The following ANKRD17 variants were observed in gnomAD, a reference collection of about 807,000 sequenced individuals.
ANKRD17 encodes the protein ankyrin repeat domain 17.
Under a neutral mutation model 229.7 loss-of-function variants are expected in ANKRD17, and 19 were observed. That is an observed-to-expected ratio of 0.08 (90% confidence interval 0.06 to 0.12). The LOEUF (loss-of-function observed/expected upper bound fraction) is 0.12. Ranked by LOEUF, ANKRD17 falls within the 10% of genes least tolerant of loss-of-function variation. The pLI, the probability that ANKRD17 is intolerant of heterozygous loss-of-function variation, is 1.00. For missense variants in ANKRD17, 2,176 were observed against 3,176.8 expected, an observed-to-expected ratio of 0.68 and a Z score of 7.57; for synonymous variants, 1,112 against 1,146.1, an observed-to-expected ratio of 0.97 and a Z score of 0.60.
rs187042713 is a variant in ANKRD17 at position 73,085,468 on chromosome 4, T to G, written c.6962-22A>C. Reference sequence around the variant, plus strand: ...ATACCTATAATGTAGAAGGTCATCATAATTTATAATAGTTACTCCTGCAAG... The same window carrying G: ...ATACCTATAATGTAGAAGGTCATCAGAATTTATAATAGTTACTCCTGCAAG... On this transcript the variant is annotated intron_variant, in intron 29 of 33. Transcript: ENST00000358602. 109 of 1,584,498 alleles carry G rather than the reference T, an allele frequency of 6.9e-5. No homozygotes were observed. In the East Asian group the frequency reaches 2.4e-3, roughly 35 times the overall value.
At chr4:73,118,880 C>CTTTTT (rs751549226) in intron 21 of ANKRD17, 30 bp from the exon 22 acceptor site, 116 of 804,544 alleles carry the variant, frequency 1.4e-4, no homozygotes, top group South Asian at 4.8e-4. Flanking sequence ...ATAGCATTGT[C>CTTTTT]TTTTTTTTTT....
Position 73,097,277 on chromosome 4 carries a change from A to G in ANKRD17, c.5022-5T>C. The G allele has an allele frequency of 1.3e-6, 2 of 1,568,890 alleles. No homozygotes were observed. ...TCACTGATAGTTTCTGACAATCTTT[A>G]ACAAAGAGAGGGAAAGTACATTAAA... is the stretch of plus-strand genomic sequence containing the variant. On this transcript the variant is annotated splice_polypyrimidine_tract_variant and splice_region_variant and intron_variant, in intron 26 of 33. Transcript: ENST00000358602.
chr4:73,101,268 C>G, intron 25 of ANKRD17: 1 of 946,414 alleles, frequency 1.1e-6, no homozygotes, highest in Non-Finnish European at 1.3e-6. Context: ...TTGAAGAAAT[C>G]GATGATCTGG....
At chr4:73,113,461 C>A in intron 24 of ANKRD17, 1 of 1,114,196 alleles carries the variant, frequency 9.0e-7, no homozygotes, top group South Asian at 1.5e-5. Flanking sequence ...AGGTCTAAAA[C>A]AATAAATTAT....
intron 11 of ANKRD17, among the ~76,000 whole-genome samples, chr4:73,144,149 T>C (rs1729944621): frequency 6.6e-6 from 1 of 152,204 alleles, no homozygotes; most frequent in South Asian, 2.1e-4. Context: ...ACTTTCCTAG[T>C]AAGCACGTTA....
chr4:73,169,428 T>C (rs539222901), intron 2 of ANKRD17, among the ~76,000 whole-genome samples: 1 of 151,714 alleles, frequency 6.6e-6, no homozygotes, highest in East Asian at 2.0e-4. Context: ...CCAGATGGCA[T>C]CTCTAGACCA....
At chr4:73,247,976 A>G (rs1211566729) in intron 1 of ANKRD17, among the ~76,000 whole-genome samples, 1 of 152,040 alleles carries the variant, frequency 6.6e-6, no homozygotes, top group Non-Finnish European at 1.5e-5. Context: ...TTCTACAAAT[A>G]GGTATAAATT....
chr4:73,196,951 T>C (rs1055043060), intron 1 of ANKRD17, among the ~76,000 whole-genome samples: 1 of 152,010 alleles, frequency 6.6e-6, no homozygotes, highest in Non-Finnish European at 1.5e-5. Context: ...TATATACACA[T>C]GTATGTGTAT....
At position 73,113,873 on chromosome 4, in the gene ANKRD17, T is replaced by C; in HGVS notation, c.4320A>G (p.Ser1440=). 2 of 1,613,612 alleles carry C rather than the reference T, an allele frequency of 1.2e-6. No individual in the cohort carries two copies. The highest frequency in any genetic ancestry group is 1.3e-5 in the African/African-American group (1 of 75,036). Residue 1440 remains serine (S), a synonymous_variant, in exon 24 of 34, where the codon TCA becomes TCG. Transcript: ENST00000358602. ...CCTGTCTATCTTTGGCTTGTACTAT[T>C]GACTCCATACAAAGATGACACTTCT... ...MLKKCHLCME[S]IVQAKDRQAA...
intron 33 of ANKRD17, 31 bp downstream of exon 33, chr4:73,076,909 A>G: frequency 2.5e-6 from 4 of 1,581,902 alleles, no homozygotes; most frequent in East Asian, 2.3e-5. Context: ...AACACAAAAC[A>G]ACTGTTTATT....
chr4:73,258,417 G>A lies in ANKRD17; in HGVS notation c.252C>T (p.Ser84=), dbSNP rs1407163287. The A allele has an allele frequency of 1.2e-6, 2 of 1,610,930 alleles. No homozygotes were observed. Among genetic ancestry groups the A allele is most frequent in the South Asian group, 1.1e-5 (1 of 90,990 alleles). The change falls in exon 1 of 34, where the codon AGC becomes AGT. Residue 84 remains serine, a synonymous_variant. Coordinates refer to ENST00000358602, the MANE Select transcript of ANKRD17 (RefSeq NM_032217.5). ...CGCTGTCGCTGCTGCTTTCGCTGCT[G>A]CTGGGGGGTCGGCAAGTCCGGTTAC... ...AKRNRTCRPP[S]SSESSSDSDN...
intron 1 of ANKRD17, among the ~76,000 whole-genome samples, chr4:73,240,189 T>C (rs1425013141): frequency 6.6e-6 from 1 of 152,046 alleles, no homozygotes; most frequent in Non-Finnish European, 1.5e-5. Flanking sequence ...AAGAACACTA[T>C]ATAGATGCTG....
In ANKRD17 at chr4:73,146,884, C is replaced by T; in HGVS notation, c.1760-11G>A. On this transcript the variant is annotated splice_polypyrimidine_tract_variant and intron_variant, in intron 9 of 33. Coordinates refer to ENST00000358602, the MANE Select transcript of ANKRD17 (RefSeq NM_032217.5). ...CATGAACGTTAGCTCCTGTAGTAGTCAACAAATAATACATAGACTTAATAA... is the reference window on the plus strand; with the variant it reads ...CATGAACGTTAGCTCCTGTAGTAGTTAACAAATAATACATAGACTTAATAA... The T allele has an allele frequency of 6.3e-7, 1 of 1,592,256 alleles. No individual in the cohort carries two copies. Among genetic ancestry groups the T allele is most frequent in the Non-Finnish European group, 8.6e-7 (1 of 1,162,574 alleles).
chr4:73,168,198 T>G (rs1306247357), intron 2 of ANKRD17, among the ~76,000 whole-genome samples: 3 of 152,148 alleles, frequency 2.0e-5, no homozygotes, highest in Non-Finnish European at 4.4e-5. Flanking sequence ...AGATGTTTAC[T>G]GAAAGCATTA....
intron 2 of ANKRD17, among the ~76,000 whole-genome samples, chr4:73,162,253 T>C (rs1732631117): frequency 6.6e-6 from 1 of 152,096 alleles, no homozygotes; most frequent in African/African-American, 2.4e-5. Context: ...TCCCACTACA[T>C]TGCCCAGGCT....
Position 73,210,891 on chromosome 4 carries a change from T to C in ANKRD17, c.394-33358A>G, listed in dbSNP as rs796889530. Among the ~76,000 whole-genome samples the C allele has an allele frequency of 1.4e-4, 22 of 152,206 alleles. 1 individual carries two copies. Among genetic ancestry groups the C allele is most frequent in the African/African-American group, 5.3e-4 (22 of 41,538 alleles). On this transcript the variant is annotated intron_variant, in intron 1 of 33. Coordinates refer to ENST00000358602, the MANE Select transcript of ANKRD17 (RefSeq NM_032217.5). ...TTCCAAATTTGGCTCTGGTTGCTAG[T>C]TAACTGAATCTAAGTTTAATAACTG...
At chr4:73,109,185 A>T (rs1725000691) in intron 24 of ANKRD17, among the ~76,000 whole-genome samples, 1 of 152,132 alleles carries the variant, frequency 6.6e-6, no homozygotes, top group Non-Finnish European at 1.5e-5. Context: ...CTGTAATCCC[A>T]GCTACTTGGG....
chr4:73,216,369 C>CA (rs1741040535), intron 1 of ANKRD17, among the ~76,000 whole-genome samples: 1 of 151,776 alleles, frequency 6.6e-6, no homozygotes, highest in Non-Finnish European at 1.5e-5. Flanking sequence ...CTCTCAGAAA[C>CA]AAAAAACTTT....
chr4:73,101,393 G>A (rs1479750276), intron 25 of ANKRD17, among the ~76,000 whole-genome samples: 2 of 152,194 alleles, frequency 1.3e-5, no homozygotes, highest in African/African-American at 4.8e-5. Context: ...GGCTGGCGCA[G>A]TGGCTCATGC....
Sources: allele counts gnomAD v4.1 joint callset (sites outside exome capture counted in the v4.1 genomes callset), GRCh38; gene constraint gnomAD v4.1.1; transcripts MANE v1.5; gene names NCBI Gene and HGNC (gene_info 2026-07-23, HGNC 2026-07-21).